MYRIP: variants seen among roughly 807,000 people sequenced by gnomAD.
MYRIP encodes the protein rab effector MyRIP.
A neutral mutation model predicts 98.0 loss-of-function variants in MYRIP; 49 were observed. The ratio of observed to expected loss-of-function variants is 0.50; its 90% CI spans 0.40 to 0.63. MYRIP has a LOEUF of 0.63. Ranked by LOEUF, MYRIP falls within the 30% of genes least tolerant of loss-of-function variation. The pLI is 0.00. For synonymous variants in MYRIP, 404 were observed against 409.5 expected (o/e 0.99, Z 0.16); for missense variants, 1,004 against 1,058.2 (o/e 0.95, Z 0.71).
chr3:39,924,778 A>T (rs1389429324), intron 2 of MYRIP, among the ~76,000 whole-genome samples: 4 of 152,106 alleles, frequency 2.6e-5, no homozygotes, highest in Non-Finnish European at 4.4e-5. Context: ...TCTCTACAAT[A>T]TAATCAAACT....
intron 3 of MYRIP, among the ~76,000 whole-genome samples, chr3:40,049,536 C>A (rs531951276): frequency 4.0e-5 from 6 of 151,884 alleles, no homozygotes; most frequent in Non-Finnish European, 8.8e-5. Flanking sequence ...TGGTGGTTCT[C>A]GCATCTCTCT....
chr3:40,158,658 T>C (rs1315492797), intron 4 of MYRIP, among the ~76,000 whole-genome samples: 1 of 152,192 alleles, frequency 6.6e-6, no homozygotes, highest in Non-Finnish European at 1.5e-5. Flanking sequence ...ACTCAGGACT[T>C]GCTTTATGAA....
At chr3:40,060,607 G>A (rs922718913) in intron 3 of MYRIP, among the ~76,000 whole-genome samples, 1 of 151,610 alleles carries the variant, frequency 6.6e-6, no homozygotes, top group Non-Finnish European at 1.5e-5. Flanking sequence ...GAGAGAGAGA[G>A]AGAGAGAGAG....
At chr3:39,853,189 C>G (rs2125608525) in intron 1 of MYRIP, among the ~76,000 whole-genome samples, 1 of 152,304 alleles carries the variant, frequency 6.6e-6, no homozygotes, top group Non-Finnish European at 1.5e-5. Flanking sequence ...CGTATTTTTG[C>G]AATTCCAAAT....
chr3:39,995,031 C>T (rs1946303688), intron 2 of MYRIP, among the ~76,000 whole-genome samples: 1 of 152,132 alleles, frequency 6.6e-6, no homozygotes, highest in Non-Finnish European at 1.5e-5. Flanking sequence ...ACCAAAACCC[C>T]ATCTGTAAGT....
chr3:39,909,887 T>TG (rs57793886), intron 2 of MYRIP, among the ~76,000 whole-genome samples: 67,139 of 151,678 alleles, frequency 0.44, 15,117 homozygotes, highest in East Asian at 0.53. Context: ...ACGTTCTTTT[T>TG]TTTTGTTTGT....
In MYRIP at chr3:39,880,409, T is replaced by TA. The variant is rs145604376; in HGVS notation, c.-30-20372dup. ...CATTTTAAACTTTGTTGATGTTGTA[T>TA]AAAAAATGATAAAAGCTGCATAATT... On this transcript the variant is annotated intron_variant, in intron 1 of 16. Transcript: ENST00000302541. Among the ~76,000 whole-genome samples, 1,389 of 152,366 alleles carry TA rather than the reference T, an allele frequency of 9.1e-3. 25 individuals carry two copies. Among genetic ancestry groups the TA allele is most frequent in the African/African-American group, 0.032 (1,331 of 41,592 alleles).
At chr3:39,854,928 C>G (rs886389902) in intron 1 of MYRIP, among the ~76,000 whole-genome samples, 8 of 152,152 alleles carry the variant, frequency 5.3e-5, no homozygotes, top group African/African-American at 1.9e-4. Context: ...TCTAGCCACC[C>G]AGAGGGGCAA....
Position 40,170,000 on chromosome 3 carries a change from A to G in MYRIP, c.780A>G (p.Pro260=), listed in dbSNP as rs372337846. Residue 260 remains proline, a synonymous_variant, in exon 8 of 17, where the codon CCA becomes CCG. Transcript: ENST00000302541. The part of the protein sequence containing the change: ...SKSEQQVEEE[P]GWPHPQSCST... ...GTGAGCAGCAAGTGGAAGAAGAGCC[A>G]GGATGGCCACATCCCCAGAGTTGCA... The G allele has an allele frequency of 2.2e-5, 35 of 1,614,130 alleles. No homozygotes were observed. Among genetic ancestry groups the G allele is most frequent in the Non-Finnish European group, 2.8e-5 (33 of 1,180,050 alleles).
intron 3 of MYRIP, among the ~76,000 whole-genome samples, chr3:40,114,826 A>C (rs1457637658): frequency 6.6e-6 from 1 of 152,248 alleles, no homozygotes; most frequent in Admixed American, 6.5e-5. Context: ...AAGACTATTT[A>C]GCAATGGCTG....
Position 40,129,440 on chromosome 3 carries a change from CAAAAAAAAAAAAAAAAAAAAAA to C in MYRIP, c.333-21593_333-21572del, listed in dbSNP as rs386396419. Among the ~76,000 whole-genome samples, 31 of 29,372 alleles carry C rather than the reference CAAAAAAAAAAAAAAAAAAAAAA, an allele frequency of 1.1e-3. No homozygotes were observed. The East Asian group carries it at 0.025, about 23-fold the overall frequency. The allele number at this position is 29,372 out of a possible 152,430, so 19.3% of individuals were successfully genotyped here. On this transcript the variant is annotated intron_variant, in intron 3 of 16. Transcript: ENST00000302541. ...TGGGCGACAGAGTGAGACTCTGTCT[CAAAAAAAAAAAAAAAAAAAAAA>C]AAAAAAAAAAAAAATCATGCCACCT...
chr3:39,978,335 A>C (rs1475453066), intron 2 of MYRIP, among the ~76,000 whole-genome samples: 3 of 152,224 alleles, frequency 2.0e-5, no homozygotes, highest in African/African-American at 7.2e-5. Context: ...AACAAGTAGC[A>C]TCTCAGTTTG....
chr3:40,132,359 C>T (rs1049802918), intron 3 of MYRIP, among the ~76,000 whole-genome samples: 4 of 152,212 alleles, frequency 2.6e-5, no homozygotes, highest in African/African-American at 9.7e-5. Flanking sequence ...TTCCCCTTAA[C>T]TGCAAACCCA....
At chr3:39,935,490 G>T (rs1413726585) in intron 2 of MYRIP, among the ~76,000 whole-genome samples, 3 of 152,096 alleles carry the variant, frequency 2.0e-5, no homozygotes, top group Admixed American at 1.3e-4. Flanking sequence ...CCATTGTTCT[G>T]CAGGAAGCAA....
chr3:40,191,663 G>A (rs1951213656), intron 10 of MYRIP, among the ~76,000 whole-genome samples: 2 of 152,224 alleles, frequency 1.3e-5, no homozygotes, highest in Admixed American at 1.3e-4. Flanking sequence ...CTAACATATT[G>A]CCTAGAAAAG....
intron 2 of MYRIP, among the ~76,000 whole-genome samples, chr3:39,910,911 C>G (rs1311208063): frequency 6.6e-6 from 1 of 152,108 alleles, no homozygotes; most frequent in African/African-American, 2.4e-5. Context: ...TAAGAGCCAG[C>G]TAAAGTTTTA....
At position 39,986,454 on chromosome 3, in the gene MYRIP, C is replaced by CT. The variant is rs1491262204; in HGVS notation, c.111-57596_111-57595insT. ...TGTCTCTTTCTCTCCCTCTCTCTCTCCCTCTCTCTCTCTCTCTGTCTCTTT... is the reference window on the plus strand; with the variant it reads ...TGTCTCTTTCTCTCCCTCTCTCTCTCTCCTCTCTCTCTCTCTCTGTCTCTTT... On this transcript the variant is annotated intron_variant, in intron 2 of 16. Transcript: ENST00000302541. 4.8e-3 allele frequency among the ~76,000 whole-genome samples: 613 copies of CT among 127,422 alleles called. 5 individuals are homozygous for CT. The highest frequency in any genetic ancestry group is 0.024 in the African/African-American group (558 of 23,046). 83.6% of individuals were successfully genotyped at this position (127,422 alleles called of 152,430 possible).
chr3:40,187,717 G>T (rs1951076354), intron 9 of MYRIP, among the ~76,000 whole-genome samples: 1 of 152,204 alleles, frequency 6.6e-6, no homozygotes, highest in African/African-American at 2.4e-5. Flanking sequence ...TCCAGGCCCT[G>T]CCTCAGGGAC....
intron 3 of MYRIP, among the ~76,000 whole-genome samples, chr3:40,110,574 G>A (rs554743881): frequency 4.6e-5 from 7 of 152,240 alleles, no homozygotes; most frequent in Non-Finnish European, 7.4e-5. Context: ...AAGCCCTTGC[G>A]TACCTGGGGA....
Sources: gnomAD v4.1 joint callset for allele counts (sites outside exome capture counted in the v4.1 genomes callset) on GRCh38, gnomAD v4.1.1 for gene constraint, MANE v1.5 for transcripts, NCBI Gene and HGNC (gene_info 2026-07-23, HGNC 2026-07-21) for gene names.